Variants in TMPRSS15 observed in about 807,000 individuals in gnomAD.
TMPRSS15 encodes enteropeptidase.
TMPRSS15 carries 128 observed loss-of-function variants against 125.3 expected under a neutral mutation model. The observed-to-expected ratio is 1.02, with a 90% confidence interval of 0.89 to 1.18. The LOEUF (loss-of-function observed/expected upper bound fraction) is 1.18, where lower values mean the gene tolerates loss of function less well. TMPRSS15 is among the 50% of genes most tolerant of loss of function. The pLI is 0.00. For synonymous variants in TMPRSS15, 446 were observed against 423.2 expected (o/e 1.05, Z -0.66); for missense variants, 1,283 against 1,212.7 (o/e 1.06, Z -0.86).
chr21:18,424,405 A>T (rs2076198396), intron 1 of TMPRSS15, among the ~76,000 whole-genome samples: 1 of 151,998 alleles, frequency 6.6e-6, no homozygotes, highest in Admixed American at 6.6e-5. Flanking sequence ...TTTTTGCAAC[A>T]CTCTTGTTTT....
intron 1 of TMPRSS15, among the ~76,000 whole-genome samples, chr21:18,482,598 A>G (rs1979003110): frequency 6.6e-6 from 1 of 151,028 alleles, no homozygotes; most frequent in South Asian, 2.1e-4. Context: ...TCCTAATTTT[A>G]TTTATTTAAT....
intron 1 of TMPRSS15, 101 bp downstream of exon 1, chr21:18,403,377 A>G: frequency 6.7e-7 from 1 of 1,499,508 alleles, no homozygotes; most frequent in Non-Finnish European, 9.3e-7. Flanking sequence ...AAAATAATGC[A>G]TTTAGTTGGC....
intron 2 of TMPRSS15, 70 bp downstream of exon 2, chr21:18,398,129 G>C: frequency 6.5e-7 from 1 of 1,546,668 alleles, no homozygotes; most frequent in East Asian, 2.2e-5. Flanking sequence ...GTTTCACAGT[G>C]AGAAAATGGT....
At chr21:18,389,802 T>C (rs2075975974) in intron 3 of TMPRSS15, among the ~76,000 whole-genome samples, 1 of 152,174 alleles carries the variant, frequency 6.6e-6, no homozygotes, top group Admixed American at 6.5e-5. Flanking sequence ...AGGATTCTGT[T>C]ACTGATGTCA....
At chr21:18,475,460 C>T (rs1047194271) in intron 1 of TMPRSS15, among the ~76,000 whole-genome samples, 5 of 152,100 alleles carry the variant, frequency 3.3e-5, no homozygotes, top group African/African-American at 1.2e-4. Context: ...GGTGTGGTGT[C>T]GCGGGCCTGT....
chr21:18,299,578 G>C (rs1229381931), intron 18 of TMPRSS15, among the ~76,000 whole-genome samples: 1 of 152,200 alleles, frequency 6.6e-6, no homozygotes, highest in Non-Finnish European at 1.5e-5. Flanking sequence ...AAAGTTGGTT[G>C]GTTGGGAGAG....
At chr21:18,282,982 C>T (rs973241346) in intron 21 of TMPRSS15, among the ~76,000 whole-genome samples, 1 of 152,114 alleles carries the variant, frequency 6.6e-6, no homozygotes, top group African/African-American at 2.4e-5. Context: ...TATCTCTGCT[C>T]CTAGTGGTTG....
At chr21:18,390,058 C>A (rs71319689) in intron 3 of TMPRSS15, among the ~76,000 whole-genome samples, 5 of 152,166 alleles carry the variant, frequency 3.3e-5, no homozygotes, top group Admixed American at 6.5e-5. Context: ...TCTATTATAT[C>A]CTCAACATGC....
chr21:18,459,184 T>G (rs943914771), intron 1 of TMPRSS15, among the ~76,000 whole-genome samples: 1 of 152,216 alleles, frequency 6.6e-6, no homozygotes, highest in African/African-American at 2.4e-5. Context: ...GTTAATTTGA[T>G]GCATTTATAA....
intron 1 of TMPRSS15, among the ~76,000 whole-genome samples, chr21:18,480,021 A>C (rs948666389): frequency 1.3e-5 from 2 of 152,062 alleles, no homozygotes; most frequent in Admixed American, 6.6e-5. Context: ...GGATAAAGAA[A>C]ATGTGGCACA....
intron 8 of TMPRSS15, 122 bp from the exon 9 acceptor site, chr21:18,353,985 T>C (rs2075599855): frequency 1.2e-6 from 1 of 816,170 alleles, no homozygotes; most frequent in South Asian, 1.7e-5. Context: ...ATCTATCTGA[T>C]ACCACTTAGT....
chr21:18,289,776 A>G (rs1489103160), intron 21 of TMPRSS15, among the ~76,000 whole-genome samples: 4 of 150,478 alleles, frequency 2.7e-5, no homozygotes, highest in Non-Finnish European at 5.9e-5. Context: ...CTGTAAATCT[A>G]TATATGATTG....
intron 1 of TMPRSS15, among the ~76,000 whole-genome samples, chr21:18,468,845 G>A (rs1325619314): frequency 2.6e-5 from 4 of 152,014 alleles, no homozygotes; most frequent in Admixed American, 6.6e-5. Context: ...CTACTTTGAC[G>A]GTGCAAGCTG....
rs113424699 is a variant in TMPRSS15, at chr21:18,349,882, C to T, written c.1171+3021G>A. 2.8e-3 allele frequency among the ~76,000 whole-genome samples: 422 copies of T among 152,256 alleles called. 1 individual carries two copies. The highest frequency in any genetic ancestry group is 9.5e-3 in the African/African-American group (393 of 41,564). ...CTGTTGGCAAGCCGAAAACATTTTCCCCTTTAATGTACTTATGCTCTTCAA... is the reference window on the plus strand; with the variant it reads ...CTGTTGGCAAGCCGAAAACATTTTCTCCTTTAATGTACTTATGCTCTTCAA... On this transcript the variant is annotated intron_variant, in intron 10 of 24. Transcript: ENST00000284885.
At position 18,343,938 on chromosome 21, in the gene TMPRSS15, A is replaced by T. The variant is rs765514249; in HGVS notation, c.1277+17T>A. The T allele has an allele frequency of 6.2e-7, 1 of 1,603,406 alleles. No homozygotes were observed. The highest frequency in any genetic ancestry group is 8.5e-7 in the Non-Finnish European group (1 of 1,170,296). On this transcript the variant is annotated intron_variant, in intron 11 of 24. Transcript: ENST00000284885. Reference sequence around the variant, plus strand: ...CCATTAAAAAAGACAGCGTTTAAACAGGTGTCTACAACATACCAGAAACTA... The same window carrying T: ...CCATTAAAAAAGACAGCGTTTAAACTGGTGTCTACAACATACCAGAAACTA...
chr21:18,307,348 C>A (rs1384274177), intron 18 of TMPRSS15, among the ~76,000 whole-genome samples: 2 of 152,096 alleles, frequency 1.3e-5, no homozygotes, highest in Non-Finnish European at 2.9e-5. Flanking sequence ...CTCTCTGTAT[C>A]TGGTTAGAAG....
chr21:18,454,114 G>GACAATATCATATAAGAA, intron 1 of TMPRSS15, among the ~76,000 whole-genome samples: 1 of 152,078 alleles, frequency 6.6e-6, no homozygotes, highest in East Asian at 1.9e-4. Context: ...CAACAATGGA[G>GACAATATCATATAAGAA]ACAATATCAT....
At position 18,403,764 on chromosome 21, in the gene TMPRSS15, G is replaced by A; in HGVS notation, c.-142C>T. The A allele has an allele frequency of 9.6e-7, 1 of 1,040,062 alleles. No homozygotes were observed. Among genetic ancestry groups the A allele is most frequent in the East Asian group, 2.6e-5 (1 of 38,580 alleles). 64.4% of individuals were successfully genotyped at this position (1,040,062 alleles called of 1,614,324 possible). On this transcript the variant is annotated 5_prime_UTR_variant, in exon 1 of 25. Coordinates refer to ENST00000284885, the MANE Select transcript of TMPRSS15 (RefSeq NM_002772.3). Reference sequence around the variant, plus strand: ...TACATGCATACCAGTCAGTGTAAGTGAGTTGTGTATGTCTCTTTGGCAAAA... The same window carrying A: ...TACATGCATACCAGTCAGTGTAAGTAAGTTGTGTATGTCTCTTTGGCAAAA...
intron 3 of TMPRSS15, among the ~76,000 whole-genome samples, chr21:18,392,497 C>G (rs1016145107): frequency 6.6e-6 from 1 of 152,146 alleles, no homozygotes; most frequent in Non-Finnish European, 1.5e-5. Flanking sequence ...TCGTCCATAT[C>G]ACTCTTAGCA....
Sources: allele counts gnomAD v4.1 joint callset (sites outside exome capture counted in the v4.1 genomes callset), GRCh38; gene constraint gnomAD v4.1.1; transcripts MANE v1.5; gene names NCBI Gene and HGNC (gene_info 2026-07-23, HGNC 2026-07-21).